Variants in KLF7 observed in about 807,000 individuals in gnomAD.
KLF7 encodes KLF transcription factor 7, also known as Krueppel-like factor 7.
In KLF7, 2 loss-of-function variants were observed where a neutral mutation model predicts 27.3. The observed-to-expected ratio is 0.07, with a 90% CI of 0.03 to 0.23. The LOEUF (loss-of-function observed/expected upper bound fraction) is 0.23, where lower values mean the gene tolerates loss of function less well. KLF7 is among the 10% of genes least tolerant of loss of function. The probability of loss-of-function intolerance (pLI) is 1.00; values close to 1 mark genes in which losing one functional copy is unlikely to be tolerated. For synonymous variants in KLF7, 165 were observed against 162.4 expected, an observed-to-expected ratio of 1.02 and a Z score of -0.12; for missense variants, 221 against 394.1, an observed-to-expected ratio of 0.56 and a Z score of 3.72.
intron 1 of KLF7, among the ~76,000 whole-genome samples, chr2:207,140,306 G>A (rs947526400): frequency 6.6e-6 from 1 of 151,760 alleles, no homozygotes; most frequent in Admixed American, 6.6e-5. Flanking sequence ...TTTAAAGGGG[G>A]GATTTGAACC....
intron 1 of KLF7, among the ~76,000 whole-genome samples, chr2:207,127,395 C>T (rs765694049): frequency 6.6e-6 from 1 of 152,076 alleles, no homozygotes; most frequent in Non-Finnish European, 1.5e-5. Flanking sequence ...CAATTCGAAA[C>T]CCCAGTGAGG....
intron 2 of KLF7, among the ~76,000 whole-genome samples, chr2:207,090,947 A>G (rs528315745): frequency 6.6e-6 from 1 of 152,284 alleles, no homozygotes; most frequent in South Asian, 2.1e-4. Context: ...TCCACCCATG[A>G]AGGCCTTCGA....
intron 2 of KLF7, among the ~76,000 whole-genome samples, chr2:207,108,002 T>TA (rs1290623834): frequency 2.6e-5 from 4 of 152,270 alleles, no homozygotes; most frequent in African/African-American, 4.8e-5. Flanking sequence ...AACAGATTTT[T>TA]AAAAAAATGC....
At chr2:207,159,168 G>C (rs1206647480) in intron 1 of KLF7, among the ~76,000 whole-genome samples, 1 of 152,178 alleles carries the variant, frequency 6.6e-6, no homozygotes, top group East Asian at 1.9e-4. Flanking sequence ...ATCGCATATG[G>C]CTCTACGTTA....
At chr2:207,108,674 G>A (rs913331131) in intron 2 of KLF7, among the ~76,000 whole-genome samples, 3 of 152,208 alleles carry the variant, frequency 2.0e-5, no homozygotes, top group Non-Finnish European at 4.4e-5. Context: ...ATTCAGAGGA[G>A]AGACTGCTGC....
At chr2:207,160,288 T>C (rs1478307010) in intron 1 of KLF7, among the ~76,000 whole-genome samples, 1 of 152,144 alleles carries the variant, frequency 6.6e-6, no homozygotes, top group East Asian at 1.9e-4. Flanking sequence ...ACAAAGGGAC[T>C]ACTGGACAGA....
intron 3 of KLF7, among the ~76,000 whole-genome samples, chr2:207,082,730 C>A (rs1410799325): frequency 6.6e-6 from 1 of 152,140 alleles, no homozygotes; most frequent in Non-Finnish European, 1.5e-5. Flanking sequence ...CCTGAGACAC[C>A]CCTACAGTCC....
At chr2:207,114,863 T>C (rs1428195049) in intron 2 of KLF7, among the ~76,000 whole-genome samples, 1 of 152,228 alleles carries the variant, frequency 6.6e-6, no homozygotes, top group East Asian at 1.9e-4. Flanking sequence ...CATTTTTAGC[T>C]CATCTAGTGA....
intron 1 of KLF7, among the ~76,000 whole-genome samples, chr2:207,148,673 C>T (rs2078162252): frequency 6.6e-6 from 1 of 152,206 alleles, no homozygotes; most frequent in Admixed American, 6.5e-5. Flanking sequence ...GATCTGGCGA[C>T]AGGTTCTGCA....
upstream of KLF7, chr2:207,166,641 CCGCGGGGAAGCCGCCGAGGG>C (rs1306556606): frequency 3.6e-4 from 84 of 236,162 alleles, 1 homozygote; most frequent in Admixed American, 2.9e-3. Context: ...GCGCAGGGGG[CCGCGGGGAAGCCGCCGAGGG>C]CGCGGAGCGG....
chr2:207,162,701 G>A (rs551959342), intron 1 of KLF7, among the ~76,000 whole-genome samples: 4 of 152,296 alleles, frequency 2.6e-5, no homozygotes, highest in African/African-American at 4.8e-5. Context: ...CATATCCTAA[G>A]TTTAAAATAA....
chr2:207,127,579 T>C (rs1003492903), intron 1 of KLF7, among the ~76,000 whole-genome samples: 2 of 152,190 alleles, frequency 1.3e-5, no homozygotes, highest in African/African-American at 4.8e-5. Flanking sequence ...CAGTGGCTCA[T>C]GCCTGTAATC....
intron 2 of KLF7, among the ~76,000 whole-genome samples, chr2:207,108,023 G>T (rs534318739): frequency 6.6e-6 from 1 of 152,316 alleles, no homozygotes; most frequent in South Asian, 2.1e-4. Flanking sequence ...TTAACGGTGA[G>T]CTTGTGGTAA....
chr2:207,130,115 C>T (rs1271713269), intron 1 of KLF7, among the ~76,000 whole-genome samples: 4 of 145,562 alleles, frequency 2.7e-5, no homozygotes, highest in African/African-American at 1.0e-4. Flanking sequence ...GACTATTTCC[C>T]CTACGACCCT....
chr2:207,156,798 A>C (rs1469578875), intron 1 of KLF7, among the ~76,000 whole-genome samples: 1 of 152,238 alleles, frequency 6.6e-6, no homozygotes, highest in African/African-American at 2.4e-5. Context: ...ATCCTGTTTT[A>C]CTATAAACCT....
At chr2:207,116,923 A>G (rs1198773668) in intron 2 of KLF7, among the ~76,000 whole-genome samples, 5 of 152,206 alleles carry the variant, frequency 3.3e-5, no homozygotes, top group African/African-American at 1.2e-4. Flanking sequence ...TCCAAATATA[A>G]TGATTTTATG....
chr2:207,143,581 C>T (rs1416949224), intron 1 of KLF7, among the ~76,000 whole-genome samples: 2 of 152,166 alleles, frequency 1.3e-5, no homozygotes, highest in Non-Finnish European at 1.5e-5. Context: ...CTCACCCATT[C>T]CTGTAGACAT....
At chr2:207,167,227 T>C (rs550544628), upstream of KLF7, 3 of 1,171,038 alleles carry the variant, frequency 2.6e-6, no homozygotes, top group East Asian at 3.2e-5. Context: ...GATGTAGACA[T>C]AGAGAGATCT....
At chr2:207,133,746 G>A (rs190426969) in intron 1 of KLF7, among the ~76,000 whole-genome samples, 3 of 151,982 alleles carry the variant, frequency 2.0e-5, no homozygotes, top group African/African-American at 7.3e-5. Context: ...AGAGGGGGAG[G>A]GGGGGAGCCA....
Sources: gnomAD v4.1 joint callset for allele counts (sites outside exome capture counted in the v4.1 genomes callset) on GRCh38, gnomAD v4.1.1 for gene constraint, MANE v1.5 for transcripts, NCBI Gene and HGNC (gene_info 2026-07-23, HGNC 2026-07-21) for gene names.